ZNF814: variants seen among roughly 807,000 people sequenced by gnomAD.
ZNF814 encodes the protein zinc finger protein 814.
Under a neutral mutation model 7.5 loss-of-function variants are expected in ZNF814, and 5 were observed. The ratio of observed to expected loss-of-function variants is 0.67; its 90% CI spans 0.35 to 1.40. The LOEUF (loss-of-function observed/expected upper bound fraction) is 1.40, where lower values mean the gene tolerates loss of function less well. ZNF814 is among the 40% of genes most tolerant of loss of function. The pLI is 0.04. For synonymous variants in ZNF814, 315 were observed against 340.7 expected, an observed-to-expected ratio of 0.92 and a Z score of 0.83; for missense variants, 962 against 1,018.0, an observed-to-expected ratio of 0.94 and a Z score of 0.75.
At chr19:57,894,520 A>G in the ZNF814 span, among the ~76,000 whole-genome samples, 4 of 151,994 alleles carry the variant, frequency 2.6e-5, no homozygotes, top group Non-Finnish European at 5.9e-5. Flanking sequence ...GATCACACCT[A>G]GTTGGCATAG....
At chr19:57,887,696 G>A (rs1159999025) in intron 1 of ZNF814, among the ~76,000 whole-genome samples, 1 of 152,132 alleles carries the variant, frequency 6.6e-6, no homozygotes, top group Non-Finnish European at 1.5e-5. Flanking sequence ...TCCTCAAGGA[G>A]TTAACTTGTG....
rs777403866 is a variant in ZNF814, at chr19:57,874,082, A to G, written c.1308T>C (p.Tyr436=). The part of the protein sequence containing the change: ...HQRFHTGEKP[Y]GCEECGKSFS... Reference sequence around the variant, plus strand: ...AAGATTTCCCACATTCTTCACACCCATAAGGTTTTTCTCCAGTGTGAAATC... The same window carrying G: ...AAGATTTCCCACATTCTTCACACCCGTAAGGTTTTTCTCCAGTGTGAAATC... Residue 436 remains tyrosine (Y), a synonymous_variant, in exon 3 of 3, where the codon TAT becomes TAC. Coordinates refer to ENST00000435989, the MANE Select transcript of ZNF814 (RefSeq NM_001144989.2). The G allele has an allele frequency of 2.6e-5, 42 of 1,605,888 alleles. No homozygotes were observed. In the East Asian group the frequency reaches 7.4e-4, roughly 28 times the overall value.
At chr19:57,902,921 C>T in the ZNF814 span, among the ~76,000 whole-genome samples, 2 of 152,054 alleles carry the variant, frequency 1.3e-5, no homozygotes, top group Middle Eastern at 3.4e-3. Context: ...CCTCATGATC[C>T]GCCCGCCGCA....
the ZNF814 span, among the ~76,000 whole-genome samples, chr19:57,894,106 A>G: frequency 6.7e-6 from 1 of 148,178 alleles, no homozygotes; most frequent in Non-Finnish European, 1.5e-5. Context: ...GTCCAGGTGC[A>G]GTGGCTCATG....
chr19:57,869,935 T>A lies in ZNF814; in HGVS notation c.*2887A>T, dbSNP rs1179079999. On this transcript the variant is annotated 3_prime_UTR_variant, in exon 3 of 3. Coordinates refer to ENST00000435989, the MANE Select transcript of ZNF814 (RefSeq NM_001144989.2). The stretch of plus-strand genomic sequence containing the variant: ...ACTCCAGCCTGGCTGACAGTGAGAC[T>A]CTGTCTCAAAAAAAAAAAAAAAAGG... 4.7e-5 allele frequency: 3 copies of A among 63,876 alleles called. No homozygotes were observed. Among genetic ancestry groups the A allele is most frequent in the African/African-American group, 3.4e-4 (3 of 8,810 alleles). The allele number at this position is 63,876 out of a possible 1,614,324, so 4.0% of individuals were successfully genotyped here.
chr19:57,878,580 T>A (rs1188875226), intron 1 of ZNF814, among the ~76,000 whole-genome samples: 3 of 150,824 alleles, frequency 2.0e-5, no homozygotes, highest in African/African-American at 7.3e-5. Flanking sequence ...CTGCCTCAGC[T>A]CCTCAGTAGC....
In ZNF814 at chr19:57,873,250, T is replaced by C. The variant is rs762169840; in HGVS notation, c.2140A>G (p.Lys714Glu). ...TGACAAGCTTCACAAGCATATGGCT[T>C]TTCTCCATTGTGAATTCTCTGGTGT... is the stretch of plus-strand genomic sequence containing the variant. ...LVHQRIHNGE[K>E]PYACEACQKF... The change falls in exon 3 of 3, where the codon AAG becomes GAG. Residue 714 changes from lysine (K) to glutamate (E), a missense_variant. Transcript: ENST00000435989. The C allele has an allele frequency of 3.1e-6, 5 of 1,604,858 alleles. No homozygotes were observed. The highest frequency in any genetic ancestry group is 1.7e-5 in the Admixed American group (1 of 58,160).
At position 57,872,741 on chromosome 19, in the gene ZNF814, T is replaced by C. The variant is rs1047047641; in HGVS notation, c.*81A>G. On this transcript the variant is annotated 3_prime_UTR_variant, in exon 3 of 3. Transcript: ENST00000435989. ...TGACTTCCCACAATCACTGCATTCA[T>C]ATGGCCTTTCTCCAGTGTGAACTCT... 13 of 1,607,506 alleles carry C rather than the reference T, an allele frequency of 8.1e-6. No homozygotes were observed. The highest frequency in any genetic ancestry group is 4.0e-5 in the African/African-American group (3 of 74,686).
chr19:57,893,415 C>A (rs1011464407), upstream of ZNF814, among the ~76,000 whole-genome samples: 61 of 151,760 alleles, frequency 4.0e-4, no homozygotes, highest in African/African-American at 1.4e-3. Flanking sequence ...TTCAGGTGAT[C>A]TGCCCGCCTG....
chr19:57,899,713 C>A, the ZNF814 span, among the ~76,000 whole-genome samples: 2 of 152,140 alleles, frequency 1.3e-5, no homozygotes, highest in Non-Finnish European at 2.9e-5. Flanking sequence ...CCCTATGCAG[C>A]CATTACAGTT....
intron 1 of ZNF814, 90 bp downstream of exon 1, chr19:57,888,677 C>A (rs2071713529): frequency 5.4e-6 from 8 of 1,492,608 alleles, no homozygotes; most frequent in African/African-American, 1.4e-5. Context: ...CGCCGGCGTC[C>A]GGGCTGCAGA....
chr19:57,897,717 T>A, the ZNF814 span, among the ~76,000 whole-genome samples: 1 of 152,174 alleles, frequency 6.6e-6, no homozygotes, highest in Non-Finnish European at 1.5e-5. Flanking sequence ...AAGGTCCCCA[T>A]GGGTGTTAGG....
At chr19:57,898,851 G>T in the ZNF814 span, among the ~76,000 whole-genome samples, 1 of 150,588 alleles carries the variant, frequency 6.6e-6, no homozygotes, top group African/African-American at 2.4e-5. Flanking sequence ...TGAGGCAGGA[G>T]AATGGCTGAA....
chr19:57,883,186 A>C (rs894472408), intron 1 of ZNF814, among the ~76,000 whole-genome samples: 1 of 150,092 alleles, frequency 6.7e-6, no homozygotes, highest in Non-Finnish European at 1.5e-5. Flanking sequence ...GTGAAACCCC[A>C]TCTGTACTAA....
At chr19:57,883,829 C>T (rs1253098463) in intron 1 of ZNF814, among the ~76,000 whole-genome samples, 1 of 151,808 alleles carries the variant, frequency 6.6e-6, no homozygotes, top group Non-Finnish European at 1.5e-5. Context: ...ACAATCTCGG[C>T]TCACTGCAAC....
intron 1 of ZNF814, among the ~76,000 whole-genome samples, chr19:57,885,434 G>A (rs1295489188): frequency 6.6e-6 from 1 of 151,798 alleles, no homozygotes; most frequent in Admixed American, 6.6e-5. Flanking sequence ...TTCAAAACCA[G>A]CCTGGCCAAG....
At chr19:57,884,259 C>T (rs1213212497) in intron 1 of ZNF814, among the ~76,000 whole-genome samples, 1 of 152,152 alleles carries the variant, frequency 6.6e-6, no homozygotes, top group Non-Finnish European at 1.5e-5. Flanking sequence ...AGAGTTCAAA[C>T]AACTCTATAG....
At chr19:57,880,501 G>T (rs1468720811) in intron 1 of ZNF814, among the ~76,000 whole-genome samples, 1 of 151,556 alleles carries the variant, frequency 6.6e-6, no homozygotes, top group African/African-American at 2.4e-5. Context: ...AGGGTTTAGG[G>T]TTTCTCTAGT....
chr19:57,892,636 C>T (rs965974068), upstream of ZNF814, among the ~76,000 whole-genome samples: 13 of 152,120 alleles, frequency 8.5e-5, no homozygotes, highest in Non-Finnish European at 1.6e-4. Context: ...ACATGGGGAG[C>T]TTTTTCCTCC....
Sources: gnomAD v4.1 joint callset for allele counts (sites outside exome capture counted in the v4.1 genomes callset) on GRCh38, gnomAD v4.1.1 for gene constraint, MANE v1.5 for transcripts, NCBI Gene and HGNC (gene_info 2026-07-23, HGNC 2026-07-21) for gene names.